ST7L: variants seen among roughly 807,000 people sequenced by gnomAD.
The protein encoded by ST7L is suppressor of tumorigenicity 7 protein-like.
A neutral mutation model predicts 72.5 loss-of-function variants in ST7L; 57 were observed. The observed-to-expected ratio is 0.79, with a 90% CI of 0.64 to 0.98. The LOEUF (loss-of-function observed/expected upper bound fraction) is 0.98, where lower values mean the gene tolerates loss of function less well. Ranked by LOEUF, ST7L falls within the 50% of genes least tolerant of loss-of-function variation. ST7L has a pLI of 0.00. For missense variants in ST7L, 576 were observed against 672.2 expected, an observed-to-expected ratio of 0.86 and a Z score of 1.58; for synonymous variants, 221 against 240.9, an observed-to-expected ratio of 0.92 and a Z score of 0.77.
chr1:112,554,267 A>G (rs1658728071), intron 12 of ST7L, among the ~76,000 whole-genome samples: 1 of 152,182 alleles, frequency 6.6e-6, no homozygotes, highest in Non-Finnish European at 1.5e-5. Context: ...TGGTTATAAG[A>G]AGCAACAATT....
chr1:112,568,861 A>ATATATATATATATATAT (rs1661536936), intron 11 of ST7L, among the ~76,000 whole-genome samples: 6 of 114,880 alleles, frequency 5.2e-5, no homozygotes, highest in Admixed American at 1.1e-4. Context: ...TATAAATATA[A>ATATATATATATATATAT]ATATATATAT....
chr1:112,618,119 G>A, intron 1 of ST7L: 4 of 1,293,092 alleles, frequency 3.1e-6, no homozygotes, highest in Non-Finnish European at 4.1e-6. Context: ...TTGTTCTGAG[G>A]TTGCTGCTCA....
chr1:112,558,480 G>A (rs903127175), intron 11 of ST7L, among the ~76,000 whole-genome samples: 11 of 152,114 alleles, frequency 7.2e-5, no homozygotes, highest in South Asian at 4.1e-4. Context: ...ATAATTTTTC[G>A]ATTTATGAAA....
At chr1:112,552,978 T>C (rs1356435532) in intron 12 of ST7L, among the ~76,000 whole-genome samples, 1 of 151,492 alleles carries the variant, frequency 6.6e-6, no homozygotes, top group Admixed American at 6.6e-5. Flanking sequence ...CATACACTTA[T>C]TGAAAACCTA....
intron 7 of ST7L, among the ~76,000 whole-genome samples, chr1:112,582,933 T>C (rs1295197766): frequency 6.6e-6 from 1 of 152,176 alleles, no homozygotes; most frequent in Non-Finnish European, 1.5e-5. Flanking sequence ...ATGGCTAATG[T>C]AAACTTTTCT....
At chr1:112,584,355 T>TAA (rs35938873) in intron 6 of ST7L, among the ~76,000 whole-genome samples, 152 of 146,456 alleles carry the variant, frequency 1.0e-3, no homozygotes, top group Non-Finnish European at 1.8e-3. Flanking sequence ...CTTTGTTTTT[T>TAA]AAAAAAAAAA....
chr1:112,606,421 G>A (rs932986156), intron 3 of ST7L, among the ~76,000 whole-genome samples: 1 of 152,144 alleles, frequency 6.6e-6, no homozygotes, highest in Non-Finnish European at 1.5e-5. Flanking sequence ...AGTTCAGCCA[G>A]TTCTTTTCCA....
chr1:112,601,155 G>A (rs1183741623), intron 3 of ST7L, among the ~76,000 whole-genome samples: 2 of 152,152 alleles, frequency 1.3e-5, no homozygotes, highest in Admixed American at 1.3e-4. Context: ...CTAGAACCAA[G>A]CACAGCATCT....
At chr1:112,619,207 C>T, upstream of ST7L, 1 of 1,288,332 alleles carries the variant, frequency 7.8e-7, no homozygotes, top group Non-Finnish European at 1.1e-6. Flanking sequence ...CTGAAGTTGG[C>T]CTCTGTGAAG....
intron 11 of ST7L, among the ~76,000 whole-genome samples, chr1:112,569,671 A>G (rs1292033691): frequency 1.3e-5 from 2 of 152,246 alleles, no homozygotes; most frequent in Non-Finnish European, 2.9e-5. Flanking sequence ...TAAGAAAGAC[A>G]GTATCAGCTG....
intron 11 of ST7L, among the ~76,000 whole-genome samples, chr1:112,573,348 CAAAAAAAAAAAA>C (rs35107656): frequency 4.3e-5 from 3 of 69,664 alleles, no homozygotes; most frequent in Non-Finnish European, 8.0e-5. Context: ...AACTCCCTCT[CAAAAAAAAAAAA>C]AAAAAAAAAA....
intron 3 of ST7L, among the ~76,000 whole-genome samples, chr1:112,602,058 T>A (rs1156931575): frequency 3.0e-5 from 4 of 131,414 alleles, no homozygotes; most frequent in Non-Finnish European, 4.6e-5. Flanking sequence ...CATTCCAGCC[T>A]GGGCGACAAG....
At chr1:112,566,197 T>C (rs1312630502) in intron 11 of ST7L, among the ~76,000 whole-genome samples, 2 of 151,950 alleles carry the variant, frequency 1.3e-5, no homozygotes, top group Admixed American at 6.6e-5. Flanking sequence ...TAATTTTAAA[T>C]ACATAGATCC....
intron 14 of ST7L, chr1:112,540,241 A>G (rs1057184251): frequency 5.1e-6 from 5 of 985,316 alleles, no homozygotes; most frequent in Non-Finnish European, 6.0e-6. Flanking sequence ...GCCTGAGACA[A>G]ATCCAAGAAT....
intron 10 of ST7L, 113 bp from the exon 11 acceptor site, chr1:112,577,201 A>C: frequency 1.7e-6 from 1 of 588,250 alleles, no homozygotes; most frequent in East Asian, 3.2e-5. Context: ...GAGATGGCCA[A>C]AAACAAAGCC....
At chr1:112,542,308 G>A (rs1014816011) in intron 13 of ST7L, among the ~76,000 whole-genome samples, 4 of 152,210 alleles carry the variant, frequency 2.6e-5, no homozygotes, top group Non-Finnish European at 4.4e-5. Flanking sequence ...TGTGGGAACA[G>A]GATGGCGTCA....
upstream of ST7L, chr1:112,619,259 G>T: frequency 1.4e-6 from 1 of 727,072 alleles, no homozygotes; most frequent in Non-Finnish European, 2.2e-6. Context: ...TTTCGAAGGT[G>T]GAGGAGCGTG....
intron 14 of ST7L, among the ~76,000 whole-genome samples, chr1:112,533,007 T>C (rs1486283672): frequency 6.6e-6 from 1 of 152,210 alleles, no homozygotes; most frequent in Non-Finnish European, 1.5e-5. Flanking sequence ...TCCCCTACAA[T>C]CCTTCACAAA....
intron 14 of ST7L, among the ~76,000 whole-genome samples, chr1:112,530,445 C>T (rs1010390979): frequency 6.6e-6 from 1 of 152,132 alleles, no homozygotes; most frequent in African/African-American, 2.4e-5. Flanking sequence ...GATGGATTCT[C>T]GCTCTGTCAC....
Sources: allele counts gnomAD v4.1 joint callset (sites outside exome capture counted in the v4.1 genomes callset), GRCh38; gene constraint gnomAD v4.1.1; transcripts MANE v1.5; gene names NCBI Gene and HGNC (gene_info 2026-07-23, HGNC 2026-07-21).